SHKBP1: variants seen among roughly 807,000 people sequenced by gnomAD.
SHKBP1 encodes SH3KBP1 binding protein 1.
Under a neutral mutation model 83.9 loss-of-function variants are expected in SHKBP1, and 71 were observed. The ratio of observed to expected loss-of-function variants is 0.85; its 90% CI spans 0.70 to 1.03. The LOEUF (loss-of-function observed/expected upper bound fraction) is 1.03. SHKBP1 is among the 50% of genes least tolerant of loss of function. The probability of loss-of-function intolerance (pLI) is 0.00; values close to 1 mark genes in which losing one functional copy is unlikely to be tolerated. For synonymous variants in SHKBP1, 371 were observed against 398.0 expected, an observed-to-expected ratio of 0.93 and a Z score of 0.81; for missense variants, 824 against 982.4, an observed-to-expected ratio of 0.84 and a Z score of 2.16.
intron 15 of SHKBP1, among the ~76,000 whole-genome samples, chr19:40,589,393 C>T (rs1262038954): frequency 1.0e-4 from 15 of 146,062 alleles, no homozygotes; most frequent in Admixed American, 7.6e-4. Context: ...ACTGACCTGG[C>T]GCAGTGCCAG....
At position 40,590,316 on chromosome 19, in the gene SHKBP1, G is replaced by GCCC; in HGVS notation, c.1663_1664insCCC (p.Arg554_Arg555insPro). 2 of 1,609,664 alleles carry GCCC rather than the reference G, an allele frequency of 1.2e-6. No individual in the cohort carries two copies. Among genetic ancestry groups the GCCC allele is most frequent in the Non-Finnish European group, 1.7e-6 (2 of 1,178,498 alleles). On this transcript the variant is annotated inframe_insertion, in exon 16 of 18. Coordinates refer to ENST00000291842, the MANE Select transcript of SHKBP1 (RefSeq NM_138392.4). The surrounding 1 kb of genome is among the most constrained non-coding windows in gnomAD (Gnocchi z 4.6). ...CAGTGCTGGAGTGCGAGGGCTCCCG[G>GCCC]CGGCTCGGCTCTCGGCCCCGGCGCT...
intron 9 of SHKBP1, among the ~76,000 whole-genome samples, chr19:40,581,890 C>T (rs2145982623): frequency 6.6e-6 from 1 of 151,742 alleles, no homozygotes; most frequent in South Asian, 2.1e-4. Flanking sequence ...TCTTCTGGCC[C>T]ATTTTATCTT....
At position 40,583,495 on chromosome 19, in the gene SHKBP1, A is replaced by G. The variant is rs1181223104; in HGVS notation, c.1048+10A>G. On this transcript the variant is annotated intron_variant, in intron 11 of 17. Coordinates refer to ENST00000291842, the MANE Select transcript of SHKBP1 (RefSeq NM_138392.4). ...TCCATTTACTACGTGGGTGAGCAGC[A>G]GCCTGTGTCCCGGGTGCCCGAGACC... The G allele has an allele frequency of 1.2e-6, 2 of 1,613,162 alleles. No homozygotes were observed. Among genetic ancestry groups the G allele is most frequent in the East Asian group, 4.5e-5 (2 of 44,840 alleles).
At chr19:40,578,130 C>T (rs1339170323) in intron 4 of SHKBP1, 24 bp from the exon 5 acceptor site, 1 of 1,605,722 alleles carries the variant, frequency 6.2e-7, no homozygotes, top group Non-Finnish European at 8.5e-7. Flanking sequence ...TAGACCCTGA[C>T]CTCTAGTCAA....
rs368250202 is a variant in SHKBP1, at chr19:40,578,149, C to T, written c.261-5C>T. On this transcript the variant is annotated splice_region_variant and splice_polypyrimidine_tract_variant and intron_variant, in intron 4 of 17. Transcript: ENST00000291842. ...CCCTGACCTCTAGTCAATTCTACTACCCAGGGGTGTCCACGGTTCCAGCCT... is the reference window on the plus strand; with the variant it reads ...CCCTGACCTCTAGTCAATTCTACTATCCAGGGGTGTCCACGGTTCCAGCCT... 1.2e-6 allele frequency: 2 copies of T among 1,613,538 alleles called. No individual in the cohort carries two copies. The highest frequency in any genetic ancestry group is 2.7e-5 in the African/African-American group (2 of 74,914).
At position 40,582,347 on chromosome 19, in the gene SHKBP1, G is replaced by A. The variant is rs1280671242; in HGVS notation, c.845-4G>A. On this transcript the variant is annotated splice_region_variant and splice_polypyrimidine_tract_variant and intron_variant, in intron 9 of 17. Coordinates refer to ENST00000291842, the MANE Select transcript of SHKBP1 (RefSeq NM_138392.4). Reference sequence around the variant, plus strand: ...TCCAGCTGAGCCCTTTTTGCCCACTGCAGGGGTCTTTCATCTGGGGGTGCC... The same window carrying A: ...TCCAGCTGAGCCCTTTTTGCCCACTACAGGGGTCTTTCATCTGGGGGTGCC... 6 of 1,613,214 alleles carry A rather than the reference G, an allele frequency of 3.7e-6. No homozygotes were observed. The highest frequency in any genetic ancestry group is 4.2e-6 in the Non-Finnish European group (5 of 1,179,564).
At position 40,578,152 on chromosome 19, in the gene SHKBP1, A is replaced by G. The variant is rs2081236562; in HGVS notation, c.261-2A>G. 4 of 1,613,756 alleles carry G rather than the reference A, an allele frequency of 2.5e-6. No homozygotes were observed. The highest frequency in any genetic ancestry group is 3.4e-6 in the Non-Finnish European group (4 of 1,179,700). ...TGACCTCTAGTCAATTCTACTACCC[A>G]GGGGTGTCCACGGTTCCAGCCTCCT... On this transcript the variant is annotated splice_acceptor_variant, in intron 4 of 17. Transcript: ENST00000291842. LOFTEE classifies it high-confidence loss of function.
At chr19:40,586,688 C>T in intron 12 of SHKBP1, 86 bp from the exon 13 acceptor site, 1 of 1,311,388 alleles carries the variant, frequency 7.6e-7, no homozygotes, top group Non-Finnish European at 1.0e-6. Context: ...CTGACTGTGT[C>T]TCTGTTCTGT....
At chr19:40,578,601 T>G in intron 6 of SHKBP1, 59 bp downstream of exon 6, 1 of 1,499,642 alleles carries the variant, frequency 6.7e-7, no homozygotes, top group South Asian at 1.1e-5. Flanking sequence ...ACATTTCCCA[T>G]AAGGCTGCAG....
rs2081356725 is a variant in SHKBP1 at position 40,591,112 on chromosome 19, C to CTA, written c.2030_2031insAT (p.Arg678SerfsTer24). On this transcript the variant is annotated frameshift_variant, in exon 18 of 18. Coordinates refer to ENST00000291842, the MANE Select transcript of SHKBP1 (RefSeq NM_138392.4). LOFTEE classifies it high-confidence loss of function. ...GGAACTGGTGCGGAGTGGGCCAGAC[C>CTA]TCCGACGGCCACCCACACCAGCCCC... 1 of 1,609,820 alleles carries CTA rather than the reference C, an allele frequency of 6.2e-7. No homozygotes were observed. The highest frequency in any genetic ancestry group is 1.7e-5 in the Admixed American group (1 of 59,906).
Position 40,583,491 on chromosome 19 carries a change from C to A in SHKBP1, c.1048+6C>A. 1 of 1,612,642 alleles carries A rather than the reference C, an allele frequency of 6.2e-7. No homozygotes were observed. Among genetic ancestry groups the A allele is most frequent in the Non-Finnish European group, 8.5e-7 (1 of 1,179,314 alleles). ...CGGCTCCATTTACTACGTGGGTGAG[C>A]AGCAGCCTGTGTCCCGGGTGCCCGA... On this transcript the variant is annotated splice_donor_region_variant and intron_variant, in intron 11 of 17. Transcript: ENST00000291842.
chr19:40,579,718 G>T (rs1001742621), intron 6 of SHKBP1, among the ~76,000 whole-genome samples: 1 of 152,076 alleles, frequency 6.6e-6, no homozygotes, highest in African/African-American at 2.4e-5. Context: ...TGCCAAGGGT[G>T]CAGTCTTCCA....
chr19:40,590,386 C>G lies in SHKBP1; in HGVS notation c.1732C>G (p.Leu578Val), dbSNP rs1033482344. ...CAACGGCAGCTTGGCCATGTGGGAC[C>G]TAACCACCGCCATGGACGGCCTCGG... ...QANGSLAMWD[L>V]TTAMDGLGQA... The change falls in exon 16 of 18, where the codon CTA (leucine) becomes GTA (valine). Residue 578 changes from leucine (L) to valine (V), a missense_variant. Leu to Val is a conservative substitution (Grantham distance 32). Transcript: ENST00000291842. This position sits in a 1 kb window ranked among gnomAD's most constrained non-coding sequence, Gnocchi z 4.6. 1 of 1,611,584 alleles carries G rather than the reference C, an allele frequency of 6.2e-7. No individual in the cohort carries two copies. Among genetic ancestry groups the G allele is most frequent in the African/African-American group, 1.3e-5 (1 of 74,794 alleles).
In SHKBP1 at chr19:40,580,501, G is replaced by T; in HGVS notation, c.562+16G>T. 2 of 1,613,614 alleles carry T rather than the reference G, an allele frequency of 1.2e-6. No individual in the cohort carries two copies. Among genetic ancestry groups the T allele is most frequent in the South Asian group, 1.1e-5 (1 of 91,040 alleles). On this transcript the variant is annotated intron_variant, in intron 7 of 17. Transcript: ENST00000291842. ...TCACCCTCAGGTACGTTTCTATCTC[G>T]TGGAAGGTTGGGGCAGCTGTGGGGT...
chr19:40,590,272 T>C lies in SHKBP1; in HGVS notation c.1618T>C (p.Ser540Pro). Reference protein sequence around the residue: ...RVCSVRSVDGSPTTAFTVLEC... With the variant: ...RVCSVRSVDGPPTTAFTVLEC... The stretch of plus-strand genomic sequence containing the variant: ...GTGCTCCGTGCGCTCCGTGGACGGC[T>C]CACCCACGACAGCCTTCACAGTGCT... The change falls in exon 16 of 18, where the codon TCA (serine) becomes CCA (proline). Residue 540 changes from serine to proline, a missense_variant. Physicochemically the swap from Ser to Pro is moderately conservative, Grantham distance 74. Transcript: ENST00000291842. The surrounding 1 kb of genome is among the most constrained non-coding windows in gnomAD (Gnocchi z 4.6). 1.9e-6 allele frequency: 3 copies of C among 1,604,390 alleles called. No individual in the cohort carries two copies. The highest frequency in any genetic ancestry group is 2.6e-6 in the Non-Finnish European group (3 of 1,176,434).
chr19:40,591,283 C>T lies in SHKBP1; in HGVS notation c.*76C>T, dbSNP rs191330922. The T allele has an allele frequency of 4.1e-4, 554 of 1,345,052 alleles. 3 individuals carry two copies. Among genetic ancestry groups the T allele is most frequent in the Non-Finnish European group, 3.6e-4 (360 of 994,486 alleles). 83.3% of individuals were successfully genotyped at this position (1,345,052 alleles called of 1,614,324 possible). ...GGTGCCTCCCTGATTCCTGTGGGAACCCCGGGTTCAGGGCCAGGGCCTCCT... is the reference window on the plus strand; with the variant it reads ...GGTGCCTCCCTGATTCCTGTGGGAATCCCGGGTTCAGGGCCAGGGCCTCCT... On this transcript the variant is annotated 3_prime_UTR_variant, in exon 18 of 18. Coordinates refer to ENST00000291842, the MANE Select transcript of SHKBP1 (RefSeq NM_138392.4).
rs890935 is a variant in SHKBP1, at chr19:40,583,484, G to C, written c.1047G>C (p.Val349=). ...GCAACAACGGCTCCATTTACTACGTGGGTGAGCAGCAGCCTGTGTCCCGGG... is the reference window on the plus strand; with the variant it reads ...GCAACAACGGCTCCATTTACTACGTCGGTGAGCAGCAGCCTGTGTCCCGGG... ...LGCNNGSIYY[V]DVQKFPLRMK... is the part of the protein sequence containing the mutation. Residue 349 remains valine, a splice_region_variant and synonymous_variant, in exon 11 of 18, where the codon GTG becomes GTC. Coordinates refer to ENST00000291842, the MANE Select transcript of SHKBP1 (RefSeq NM_138392.4). 0.021 allele frequency: 33,302 copies of C among 1,612,446 alleles called. 471 individuals carry two copies. The highest frequency in any genetic ancestry group is 0.051 in the Admixed American group (3,028 of 59,630).
In SHKBP1 at chr19:40,588,747, G is replaced by A. The variant is rs1568394221; in HGVS notation, c.1460G>A (p.Gly487Glu). The change falls in exon 14 of 18, where the codon GGG (glycine) becomes GAG (glutamate). Residue 487 changes from glycine (G) to glutamate (E), a missense_variant. By Grantham distance (98) the Gly-to-Glu change is moderately conservative. This residue lies in a region of SHKBP1 where 287 missense variants were observed against 322.9 expected (regional missense o/e 0.89). Transcript: ENST00000291842. ...FKILALESAD[G>E]HGGCSAGNDI... is the part of the protein sequence containing the mutation. Reference sequence around the variant, plus strand: ...ATCCTGGCTCTGGAGTCGGCAGATGGGCATGGCGGCTGCAGTGCTGGCAAT... The same window carrying A: ...ATCCTGGCTCTGGAGTCGGCAGATGAGCATGGCGGCTGCAGTGCTGGCAAT... 4 of 1,613,744 alleles carry A rather than the reference G, an allele frequency of 2.5e-6. No homozygotes were observed. The highest frequency in any genetic ancestry group is 2.5e-6 in the Non-Finnish European group (3 of 1,180,036).
chr19:40,586,855 T>C lies in SHKBP1; in HGVS notation c.1247T>C (p.Val416Ala), dbSNP rs750207030. 3.1e-6 allele frequency: 5 copies of C among 1,612,976 alleles called. No individual in the cohort carries two copies. The Admixed American group carries it at 8.3e-5, about 27-fold the overall frequency. ...GTCATCGTGCAGCACCCGGAGACTG[T>C]GGGCTCGGGGCCTCAGCTCTTCCAG... Reference protein sequence around the residue: ...VRVIVQHPETVGSGPQLFQTF... With the variant: ...VRVIVQHPETAGSGPQLFQTF... Residue 416 changes from valine (V) to alanine (A), a missense_variant, in exon 13 of 18, where the codon GTG (valine) becomes GCG (alanine). Physicochemically the swap from Val to Ala is moderately conservative, Grantham distance 64. Around this residue, in one of 3 missense-constraint regions of SHKBP1, gnomAD observed 182 missense variants for 273.1 expected, o/e 0.67. Coordinates refer to ENST00000291842, the MANE Select transcript of SHKBP1 (RefSeq NM_138392.4).
Sources: gnomAD v4.1 joint callset for allele counts (sites outside exome capture counted in the v4.1 genomes callset) on GRCh38, gnomAD v4.1.1 for gene constraint, gnomAD v4.1.1 regional missense constraint, Gnocchi (gnomAD v3.1) non-coding constraint, MANE v1.5 for transcripts, NCBI Gene and HGNC (gene_info 2026-07-23, HGNC 2026-07-21) for gene names.